Variants in SLIT1 observed in about 807,000 individuals in gnomAD.
SLIT1 encodes slit guidance ligand 1.
Under a neutral mutation model 186.1 loss-of-function variants are expected in SLIT1, and 66 were observed. The ratio of observed to expected loss-of-function variants is 0.35; its 90% confidence interval spans 0.29 to 0.44. The LOEUF is 0.44. Among genes scored for constraint, SLIT1 ranks in the 20% least tolerant of loss-of-function variants. The pLI, the probability that SLIT1 is intolerant of heterozygous loss-of-function variation, is 1.00. For missense variants in SLIT1, 1,638 were observed against 2,037.4 expected (o/e 0.80, Z 3.77); for synonymous variants, 761 against 833.8 (o/e 0.91, Z 1.50).
At chr10:97,109,959 C>T (rs1849450182) in intron 4 of SLIT1, among the ~76,000 whole-genome samples, 1 of 152,200 alleles carries the variant, frequency 6.6e-6, no homozygotes, top group African/African-American at 2.4e-5. Flanking sequence ...ATATACCACA[C>T]CCAGGCAGTA....
At chr10:97,159,890 CT>C (rs1324242153) in intron 3 of SLIT1, among the ~76,000 whole-genome samples, 1 of 152,164 alleles carries the variant, frequency 6.6e-6, no homozygotes, top group African/African-American at 2.4e-5. Flanking sequence ...TGGCTTGGCT[CT>C]TCATAGGTGC....
chr10:97,009,988 AAC>A (rs1564652698), intron 31 of SLIT1, among the ~76,000 whole-genome samples: 2 of 152,216 alleles, frequency 1.3e-5, no homozygotes, highest in South Asian at 4.1e-4. Flanking sequence ...ATTAGGAAAA[AAC>A]AGTTTGGTAG....
chr10:97,013,748 C>T lies in SLIT1; in HGVS notation c.3196G>A (p.Gly1066Arg). Residue 1066 changes from glycine (G) to arginine (R), a missense_variant, in exon 30 of 37, where the codon GGG becomes AGG. Physicochemically the swap from Gly to Arg is moderately radical, Grantham distance 125. Coordinates refer to ENST00000266058, the MANE Select transcript of SLIT1 (RefSeq NM_003061.3). ...GAAAGGGGCAACACTCACCTGGGCC[C>T]ATCCGGGGTGCCCACACACTGGGCC... is the stretch of plus-strand genomic sequence containing the variant. Reference protein sequence around the residue: ...HEAQCVGTPDGPRCECMPGYA... With the variant: ...HEAQCVGTPDRPRCECMPGYA... 6.4e-7 allele frequency: 1 copy of T among 1,551,286 alleles called. No homozygotes were observed. Among genetic ancestry groups the T allele is most frequent in the South Asian group, 1.2e-5 (1 of 84,050 alleles).
intron 4 of SLIT1, among the ~76,000 whole-genome samples, chr10:97,108,485 T>A (rs1849434627): frequency 6.6e-6 from 1 of 152,238 alleles, no homozygotes; most frequent in Admixed American, 6.5e-5. Context: ...AGGCTCCGTG[T>A]GTCTGCAGTG....
intron 4 of SLIT1, 51 bp from the exon 5 acceptor site, chr10:97,066,137 C>A: frequency 7.1e-7 from 1 of 1,415,800 alleles, no homozygotes; most frequent in Non-Finnish European, 9.8e-7. Context: ...AAAAGAGGTT[C>A]CTGCAGAGTG....
At chr10:97,134,488 G>A (rs1032850925) in intron 4 of SLIT1, among the ~76,000 whole-genome samples, 8 of 152,062 alleles carry the variant, frequency 5.3e-5, no homozygotes, top group Non-Finnish European at 1.0e-4. Flanking sequence ...CACTTATGCC[G>A]GCCGAGTCTC....
rs192096491 is a variant in SLIT1, at chr10:97,176,847, G to T, written c.197+8631C>A. ...GCTCTCCACTGTCAAACACAGGATA[G>T]GAGTTCCTCCCGCCTCTCCACTATC... On this transcript the variant is annotated intron_variant, in intron 1 of 36. Transcript: ENST00000266058. 2.3e-3 allele frequency among the ~76,000 whole-genome samples: 357 copies of T among 152,218 alleles called. 2 individuals carry two copies. Among genetic ancestry groups the T allele is most frequent in the African/African-American group, 8.3e-3 (346 of 41,536 alleles).
intron 4 of SLIT1, among the ~76,000 whole-genome samples, chr10:97,090,055 G>A (rs570952665): frequency 6.6e-6 from 1 of 152,318 alleles, no homozygotes; most frequent in Admixed American, 6.5e-5. Flanking sequence ...CAGCATCCTC[G>A]CCGCTGCTGT....
At position 96,998,191 on chromosome 10, in the gene SLIT1, C is replaced by CAACA. The variant is rs1286916366; in HGVS notation, c.*2917_*2920dup. The CAACA allele has an allele frequency of 6.6e-6, 1 of 152,202 alleles. No homozygotes were observed. Among genetic ancestry groups the CAACA allele is most frequent in the African/African-American group, 2.4e-5 (1 of 41,458 alleles). 9.4% of individuals were successfully genotyped at this position (152,202 alleles called of 1,614,324 possible). ...CAAACAAGACGACTACAGAAACCCCCAACAAAACGTGCCACGACCACATAG... is the reference window on the plus strand; with the variant it reads ...CAAACAAGACGACTACAGAAACCCCCAACAAACAAAACGTGCCACGACCACATAG... On this transcript the variant is annotated 3_prime_UTR_variant, in exon 37 of 37. Transcript: ENST00000266058.
intron 18 of SLIT1, 86 bp downstream of exon 18, chr10:97,046,568 G>T: frequency 1.5e-6 from 2 of 1,356,842 alleles, no homozygotes; most frequent in Non-Finnish European, 2.0e-6. Context: ...CAGGGGAGGG[G>T]CTCCTCCAGC....
intron 36 of SLIT1, 31 bp from the exon 37 acceptor site, chr10:97,001,381 CAG>C (rs1374158165): frequency 6.4e-7 from 1 of 1,564,348 alleles, no homozygotes. Flanking sequence ...GAGAAAGCCT[CAG>C]GGCACACCCA....
At chr10:97,129,835 C>G (rs574965812) in intron 4 of SLIT1, among the ~76,000 whole-genome samples, 1 of 152,130 alleles carries the variant, frequency 6.6e-6, no homozygotes, top group Non-Finnish European at 1.5e-5. Context: ...ACCCCACCCA[C>G]GTTTGCTGCT....
Position 97,001,069 on chromosome 10 carries a change from T to G in SLIT1, c.*43A>C. The G allele has an allele frequency of 1.3e-6, 2 of 1,540,532 alleles. No individual in the cohort carries two copies. The highest frequency in any genetic ancestry group is 1.8e-6 in the Non-Finnish European group (2 of 1,119,024). ...CGACTGTCTCCGCTGCTGCAGCGGC[T>G]GGGGCCCCTTGCCCGCCCTCACCGG... On this transcript the variant is annotated 3_prime_UTR_variant, in exon 37 of 37. Coordinates refer to ENST00000266058, the MANE Select transcript of SLIT1 (RefSeq NM_003061.3).
chr10:97,015,259 C>T lies in SLIT1; in HGVS notation c.2970-1101G>A, dbSNP rs561225713. On this transcript the variant is annotated intron_variant, in intron 28 of 36. Coordinates refer to ENST00000266058, the MANE Select transcript of SLIT1 (RefSeq NM_003061.3). Reference sequence around the variant, plus strand: ...GAAAGGTGGGCATGCTTCCAGGTGCCAAATAAATGGGCAGTTAGGAATCCT... The same window carrying T: ...GAAAGGTGGGCATGCTTCCAGGTGCTAAATAAATGGGCAGTTAGGAATCCT... 5.3e-4 allele frequency among the ~76,000 whole-genome samples: 81 copies of T among 152,206 alleles called. 3 individuals are homozygous for T. The South Asian group carries it at 0.016, about 30-fold the overall frequency.
intron 20 of SLIT1, among the ~76,000 whole-genome samples, chr10:97,042,628 C>T (rs924639534): frequency 2.6e-5 from 4 of 152,122 alleles, no homozygotes; most frequent in African/African-American, 7.2e-5. Context: ...TTTCTCTGAG[C>T]GATGGAATAA....
chr10:97,133,967 TTG>T (rs1849678245), intron 4 of SLIT1, among the ~76,000 whole-genome samples: 2 of 152,188 alleles, frequency 1.3e-5, no homozygotes, highest in Non-Finnish European at 2.9e-5. Context: ...GATTGTTTCT[TTG>T]CTATGACTGT....
intron 4 of SLIT1, among the ~76,000 whole-genome samples, chr10:97,087,154 G>A (rs1163203190): frequency 1.3e-5 from 2 of 150,792 alleles, no homozygotes; most frequent in East Asian, 3.9e-4. Flanking sequence ...CTGGATAAGT[G>A]TATGAAGCCC....
chr10:97,166,374 G>A (rs1212261246), intron 1 of SLIT1, among the ~76,000 whole-genome samples: 2 of 151,456 alleles, frequency 1.3e-5, no homozygotes, highest in East Asian at 3.9e-4. Flanking sequence ...AAAATTATCG[G>A]GCATGGTGGC....
intron 4 of SLIT1, among the ~76,000 whole-genome samples, chr10:97,099,216 G>C (rs1371341491): frequency 6.6e-6 from 1 of 152,156 alleles, no homozygotes; most frequent in African/African-American, 2.4e-5. Flanking sequence ...GAAGAGAGGG[G>C]CCAGGGCTTG....
Sources: gnomAD v4.1 joint callset for allele counts (sites outside exome capture counted in the v4.1 genomes callset) on GRCh38, gnomAD v4.1.1 for gene constraint, MANE v1.5 for transcripts, NCBI Gene and HGNC (gene_info 2026-07-23, HGNC 2026-07-21) for gene names.